LRRC4C: variants seen among roughly 807,000 people sequenced by gnomAD.
LRRC4C encodes leucine-rich repeat-containing protein 4C.
LRRC4C carries 5 observed loss-of-function variants against 33.6 expected under a neutral mutation model. That is an observed-to-expected ratio of 0.15 (90% CI 0.08 to 0.31). LRRC4C has a LOEUF of 0.31. Ranked by LOEUF, LRRC4C falls within the 10% of genes least tolerant of loss-of-function variation. The pLI is 1.00. For missense variants in LRRC4C, 560 were observed against 796.7 expected (o/e 0.70, Z 3.58); for synonymous variants, 329 against 302.0 (o/e 1.09, Z -0.93).
At chr11:40,304,338 T>C (rs1944923372) in intron 4 of LRRC4C, among the ~76,000 whole-genome samples, 2 of 152,116 alleles carry the variant, frequency 1.3e-5, no homozygotes, top group African/African-American at 4.8e-5. Flanking sequence ...ATTAATTTCC[T>C]GGGAAGAACA....
At chr11:40,834,943 C>CACACACACACACACACAT (rs1952603371) in intron 2 of LRRC4C, among the ~76,000 whole-genome samples, 1 of 151,218 alleles carries the variant, frequency 6.6e-6, no homozygotes, top group African/African-American at 2.4e-5. Flanking sequence ...CACACACACA[C>CACACACACACACACACAT]ACACACAGCT....
At chr11:40,570,025 AAAT>A (rs1488287319) in intron 3 of LRRC4C, among the ~76,000 whole-genome samples, 1 of 151,972 alleles carries the variant, frequency 6.6e-6, no homozygotes, top group Non-Finnish European at 1.5e-5. Context: ...ACACATATGT[AAAT>A]AATATGTACA....
At chr11:40,128,092 T>A (rs1408174591) in intron 6 of LRRC4C, among the ~76,000 whole-genome samples, 1 of 152,202 alleles carries the variant, frequency 6.6e-6, no homozygotes, top group Non-Finnish European at 1.5e-5. Context: ...TGGTTTGGTA[T>A]TCCTGACTGT....
intron 1 of LRRC4C, among the ~76,000 whole-genome samples, chr11:40,952,416 C>G (rs918542781): frequency 6.6e-6 from 1 of 151,920 alleles, no homozygotes; most frequent in African/African-American, 2.4e-5. Flanking sequence ...TGAAATGACA[C>G]TAATTTAGAA....
chr11:40,892,577 A>T lies in LRRC4C; in HGVS notation c.-407+41058T>A, dbSNP rs558660437. ...ACAGATGAATAAACAAAATGTAGTA[A>T]AAAGATACAAATGGAATATTATTCA... On this transcript the variant is annotated intron_variant, in intron 2 of 6. Coordinates refer to ENST00000528697, the MANE Select transcript of LRRC4C (RefSeq NM_001258419.2). Among the ~76,000 whole-genome samples the T allele has an allele frequency of 3.9e-5, 6 of 152,360 alleles. No individual in the cohort carries two copies. In the South Asian group the frequency reaches 1.0e-3, roughly 26 times the overall value.
In LRRC4C at chr11:40,355,426, C is replaced by A. The variant is rs535394468; in HGVS notation, c.-269-35705G>T. Among the ~76,000 whole-genome samples the A allele has an allele frequency of 2.2e-3, 336 of 152,194 alleles. 1 individual carries two copies. The highest frequency in any genetic ancestry group is 3.4e-3 in the Non-Finnish European group (231 of 68,010). The stretch of plus-strand genomic sequence containing the variant: ...ATTATAACCCTTGTAGCCTAAACTG[C>A]CTTTCAAGTTTATTTAGGAACCCAG... On this transcript the variant is annotated intron_variant, in intron 3 of 6. Coordinates refer to ENST00000528697, the MANE Select transcript of LRRC4C (RefSeq NM_001258419.2).
At chr11:40,246,416 T>C (rs1866345090) in intron 4 of LRRC4C, among the ~76,000 whole-genome samples, 2 of 152,334 alleles carry the variant, frequency 1.3e-5, no homozygotes, top group South Asian at 4.1e-4. Flanking sequence ...TAGTACTTCA[T>C]CTCTGTAGTG....
intron 4 of LRRC4C, among the ~76,000 whole-genome samples, chr11:40,281,543 C>T (rs938804958): frequency 1.7e-4 from 26 of 152,134 alleles, no homozygotes; most frequent in Admixed American, 6.5e-5. Context: ...AGAGGCACAT[C>T]TCTACATTTT....
intron 1 of LRRC4C, among the ~76,000 whole-genome samples, chr11:40,970,808 T>C (rs1318754592): frequency 6.6e-6 from 1 of 152,182 alleles, no homozygotes; most frequent in Non-Finnish European, 1.5e-5. Flanking sequence ...TATTAGGAAC[T>C]GGAGTAAAGG....
At chr11:40,222,729 T>G (rs1864506232) in intron 5 of LRRC4C, among the ~76,000 whole-genome samples, 1 of 152,192 alleles carries the variant, frequency 6.6e-6, no homozygotes, top group African/African-American at 2.4e-5. Context: ...GGTGACAAAA[T>G]GAGTGCTCAA....
intron 2 of LRRC4C, among the ~76,000 whole-genome samples, chr11:40,743,623 G>A (rs940536775): frequency 6.6e-6 from 1 of 152,064 alleles, no homozygotes; most frequent in Admixed American, 6.5e-5. Flanking sequence ...CATTTTTGGA[G>A]GGTCATTATC....
chr11:40,611,943 T>C (rs889489041), intron 3 of LRRC4C, among the ~76,000 whole-genome samples: 16 of 151,794 alleles, frequency 1.1e-4, no homozygotes, highest in African/African-American at 2.7e-4. Flanking sequence ...AATGTAAAAA[T>C]AGTGCAGCCA....
chr11:40,882,806 A>G (rs1955250994), intron 2 of LRRC4C, among the ~76,000 whole-genome samples: 1 of 152,046 alleles, frequency 6.6e-6, no homozygotes, highest in South Asian at 2.1e-4. Context: ...ATGGAGTTGG[A>G]GTGAGAGTCA....
At chr11:41,190,736 A>T (rs2136208950) in intron 1 of LRRC4C, among the ~76,000 whole-genome samples, 1 of 152,286 alleles carries the variant, frequency 6.6e-6, no homozygotes, top group South Asian at 2.1e-4. Context: ...ATGACGTGAC[A>T]CTAGTTTGGC....
chr11:40,968,110 A>C (rs1172136752), intron 1 of LRRC4C, among the ~76,000 whole-genome samples: 2 of 152,084 alleles, frequency 1.3e-5, no homozygotes, highest in African/African-American at 4.8e-5. Context: ...ACATACCATA[A>C]GAAAGTGACA....
At chr11:40,436,304 G>A (rs1467430492) in intron 3 of LRRC4C, among the ~76,000 whole-genome samples, 4 of 152,106 alleles carry the variant, frequency 2.6e-5, no homozygotes, top group Non-Finnish European at 5.9e-5. Context: ...GGTAGTTTGA[G>A]GCATTCATTC....
chr11:40,287,436 T>C lies in LRRC4C; in HGVS notation c.-176+32192A>G, dbSNP rs1379791231. Among the ~76,000 whole-genome samples the C allele has an allele frequency of 2.0e-5, 3 of 152,204 alleles. No individual in the cohort carries two copies. The East Asian group carries it at 5.8e-4, about 29-fold the overall frequency. On this transcript the variant is annotated intron_variant, in intron 4 of 6. Transcript: ENST00000528697. ...GCATTTGAGTTATTTAGAGGAGGTG[T>C]TTCTCAGACGAAGTTCATTCAAGCA...
intron 2 of LRRC4C, among the ~76,000 whole-genome samples, chr11:40,714,756 A>T (rs1946627030): frequency 6.6e-6 from 1 of 152,214 alleles, no homozygotes; most frequent in Non-Finnish European, 1.5e-5. Flanking sequence ...TAGAATAGAG[A>T]TGCCAAAACC....
At chr11:41,276,498 T>C (rs2136890425) in intron 1 of LRRC4C, among the ~76,000 whole-genome samples, 1 of 152,300 alleles carries the variant, frequency 6.6e-6, no homozygotes, top group Middle Eastern at 3.4e-3. Context: ...TAATAAATGA[T>C]TGACCTATAA....
Sources: allele counts gnomAD v4.1 joint callset (sites outside exome capture counted in the v4.1 genomes callset), GRCh38; gene constraint gnomAD v4.1.1; transcripts MANE v1.5; gene names NCBI Gene and HGNC (gene_info 2026-07-23, HGNC 2026-07-21).